Variants in GALNT13 observed in about 807,000 individuals in gnomAD.
GALNT13 encodes the protein UDP-GalNAc:polypeptide N-acetylgalactosaminyltransferase 13.
GALNT13 carries 28 observed loss-of-function variants against 64.2 expected under a neutral mutation model. The ratio of observed to expected loss-of-function variants is 0.44; its 90% confidence interval spans 0.32 to 0.60. The LOEUF (loss-of-function observed/expected upper bound fraction) is 0.60, where lower values mean the gene tolerates loss of function less well. Among genes scored for constraint, GALNT13 ranks in the 20% least tolerant of loss-of-function variants. The pLI is 0.05. For missense variants in GALNT13, 577 were observed against 669.8 expected (o/e 0.86, Z 1.53); for synonymous variants, 214 against 224.6 (o/e 0.95, Z 0.42).
the GALNT13 span, among the ~76,000 whole-genome samples, chr2:153,775,184 A>G: frequency 6.6e-6 from 1 of 152,144 alleles, no homozygotes; most frequent in Admixed American, 6.5e-5. Context: ...TTTACTCTTT[A>G]GGACACCTAA....
the GALNT13 span, among the ~76,000 whole-genome samples, chr2:153,404,010 C>G: frequency 1.3e-5 from 2 of 152,174 alleles, no homozygotes; most frequent in Non-Finnish European, 2.9e-5. Flanking sequence ...AAGTTTGGGT[C>G]TCAGAAATCT....
the GALNT13 span, among the ~76,000 whole-genome samples, chr2:153,634,301 G>A: frequency 6.6e-6 from 1 of 152,082 alleles, no homozygotes; most frequent in Non-Finnish European, 1.5e-5. Flanking sequence ...ATTCAGAAGA[G>A]CACTTTTGTT....
the GALNT13 span, among the ~76,000 whole-genome samples, chr2:153,847,572 A>C: frequency 5.3e-5 from 8 of 152,290 alleles, no homozygotes; most frequent in Admixed American, 3.3e-4. Flanking sequence ...AAGAGACAAC[A>C]TGAAAATTCC....
the GALNT13 span, among the ~76,000 whole-genome samples, chr2:153,584,333 G>A: frequency 6.6e-6 from 1 of 152,020 alleles, no homozygotes; most frequent in East Asian, 1.9e-4. Flanking sequence ...CAGGTTCTTG[G>A]GTGTTTCACA....
At chr2:154,322,787 C>T (rs1409161642) in intron 9 of GALNT13, among the ~76,000 whole-genome samples, 6 of 151,960 alleles carry the variant, frequency 3.9e-5, no homozygotes, top group Admixed American at 3.3e-4. Flanking sequence ...AGGCTGGACT[C>T]GACTGGATGA....
chr2:153,463,188 C>T, the GALNT13 span, among the ~76,000 whole-genome samples: 1 of 151,988 alleles, frequency 6.6e-6, no homozygotes, highest in Admixed American at 6.6e-5. Flanking sequence ...CCTTGCCCTG[C>T]GGTGTTGTGG....
the GALNT13 span, among the ~76,000 whole-genome samples, chr2:153,765,525 G>T: frequency 1.3e-5 from 2 of 152,146 alleles, no homozygotes; most frequent in Non-Finnish European, 1.5e-5. Context: ...TAAGTAACTT[G>T]CTTTTGATTT....
intron 9 of GALNT13, among the ~76,000 whole-genome samples, chr2:154,394,077 CAAAAAAAAAAAAAAAA>C (rs369267777): frequency 3.1e-5 from 1 of 32,004 alleles, no homozygotes; most frequent in Non-Finnish European, 5.0e-5. Context: ...GACTCCGTCT[CAAAAAAAAAAAAAAAA>C]AAAAAAAAAA....
chr2:154,010,207 A>G (rs761021631), intron 3 of GALNT13, among the ~76,000 whole-genome samples: 3 of 152,020 alleles, frequency 2.0e-5, no homozygotes, highest in Non-Finnish European at 4.4e-5. Context: ...TGCCCATTCA[A>G]TATGATGTTG....
chr2:153,876,202 T>C (rs1044711160), intron 1 of GALNT13, among the ~76,000 whole-genome samples: 1 of 148,742 alleles, frequency 6.7e-6, no homozygotes. Flanking sequence ...CCCCCCACAC[T>C]ACACACACAC....
At chr2:153,891,731 C>T (rs1356928703) in intron 1 of GALNT13, among the ~76,000 whole-genome samples, 1 of 152,078 alleles carries the variant, frequency 6.6e-6, no homozygotes, top group African/African-American at 2.4e-5. Flanking sequence ...TCTGAATGAG[C>T]ATGTAACTCC....
chr2:153,422,154 G>A, the GALNT13 span, among the ~76,000 whole-genome samples: 7 of 152,206 alleles, frequency 4.6e-5, no homozygotes, highest in African/African-American at 1.7e-4. Context: ...GAATGATAAT[G>A]CAAATGCTGT....
the GALNT13 span, among the ~76,000 whole-genome samples, chr2:153,208,576 A>G: frequency 1.3e-5 from 2 of 152,108 alleles, no homozygotes; most frequent in African/African-American, 2.4e-5. Context: ...TGGGATTTCA[A>G]TTTTTGGCAA....
intron 11 of GALNT13, among the ~76,000 whole-genome samples, chr2:154,409,977 G>C (rs751892219): frequency 6.6e-6 from 1 of 151,728 alleles, no homozygotes; most frequent in African/African-American, 2.4e-5. Flanking sequence ...AAACAGGGCC[G>C]GTGTTATTTA....
the GALNT13 span, among the ~76,000 whole-genome samples, chr2:153,650,793 AT>A: frequency 4.6e-5 from 7 of 151,634 alleles, no homozygotes; most frequent in South Asian, 4.2e-4. Flanking sequence ...CCTCCAGCAA[AT>A]TTTTTTTTAA....
At chr2:153,432,230 C>T in the GALNT13 span, among the ~76,000 whole-genome samples, 60 of 152,214 alleles carry the variant, frequency 3.9e-4, no homozygotes, top group African/African-American at 1.4e-3. Context: ...GTTAACACTC[C>T]TATCTAAAAG....
the GALNT13 span, among the ~76,000 whole-genome samples, chr2:153,293,793 CTGTG>C: frequency 3.1e-4 from 10 of 32,716 alleles, no homozygotes; most frequent in African/African-American, 1.7e-3. Flanking sequence ...GTGTGTGTGT[CTGTG>C]TGTGTGTGTG....
At chr2:153,733,489 CTT>C in the GALNT13 span, among the ~76,000 whole-genome samples, 3 of 152,266 alleles carry the variant, frequency 2.0e-5, no homozygotes, top group East Asian at 5.8e-4. Flanking sequence ...TACAGCCCCT[CTT>C]TTTCCTAATT....
chr2:154,032,037 A>G (rs1698371360), intron 3 of GALNT13, among the ~76,000 whole-genome samples: 1 of 151,940 alleles, frequency 6.6e-6, no homozygotes, highest in Non-Finnish European at 1.5e-5. Context: ...ACTAAAATTC[A>G]TGATCTAATC....
Sources: gnomAD v4.1 joint callset for allele counts (sites outside exome capture counted in the v4.1 genomes callset) on GRCh38, gnomAD v4.1.1 for gene constraint, MANE v1.5 for transcripts, NCBI Gene and HGNC (gene_info 2026-07-23, HGNC 2026-07-21) for gene names.